MCM9: variants seen among roughly 807,000 people sequenced by gnomAD.
MCM9 encodes the protein DNA helicase MCM9.
In MCM9, 55 loss-of-function variants were observed where a neutral mutation model predicts 72.8. The ratio of observed to expected loss-of-function variants is 0.76; its 90% CI spans 0.61 to 0.95. The LOEUF is 0.95. MCM9 is among the 40% of genes least tolerant of loss of function. The pLI, the probability that MCM9 is intolerant of heterozygous loss-of-function variation, is 0.00. For synonymous variants in MCM9, 480 were observed against 503.4 expected (o/e 0.95, Z 0.62); for missense variants, 1,279 against 1,377.0 (o/e 0.93, Z 1.13).
chr6:118,873,603 TA>T (rs1777752888), intron 8 of MCM9, among the ~76,000 whole-genome samples: 1 of 152,212 alleles, frequency 6.6e-6, no homozygotes, highest in African/African-American at 2.4e-5. Context: ...TGAATAGGCT[TA>T]TATCTACTAA....
chr6:118,855,506 T>C (rs1776497516), intron 9 of MCM9, among the ~76,000 whole-genome samples: 1 of 152,156 alleles, frequency 6.6e-6, no homozygotes, highest in Admixed American at 6.6e-5. Context: ...GTGGGCTATA[T>C]CCTACTCTCC....
At chr6:118,922,301 T>C (rs1781494167) in intron 4 of MCM9, among the ~76,000 whole-genome samples, 1 of 152,222 alleles carries the variant, frequency 6.6e-6, no homozygotes, top group Non-Finnish European at 1.5e-5. Context: ...TCTCCAAATA[T>C]GATCTATATA....
chr6:118,888,653 A>G (rs2114436730), intron 8 of MCM9, among the ~76,000 whole-genome samples: 1 of 152,364 alleles, frequency 6.6e-6, no homozygotes, highest in East Asian at 1.9e-4. Flanking sequence ...CATTTTGTGT[A>G]ATAGCCAAAA....
chr6:118,849,706 A>G (rs931268462), intron 9 of MCM9, among the ~76,000 whole-genome samples: 1 of 151,820 alleles, frequency 6.6e-6, no homozygotes. Flanking sequence ...ATACAAAACA[A>G]AACTGCAGAA....
chr6:118,894,009 A>T, intron 8 of MCM9: 1 of 985,736 alleles, frequency 1.0e-6, no homozygotes, highest in South Asian at 4.6e-5. Flanking sequence ...CGGGCCTCCC[A>T]GCCCTTATTC....
intron 8 of MCM9, among the ~76,000 whole-genome samples, chr6:118,894,900 T>C (rs1779255987): frequency 2.0e-5 from 3 of 151,972 alleles, no homozygotes. Flanking sequence ...GCACGGAGGC[T>C]GGGAAGGGAG....
Position 118,824,599 on chromosome 6 carries a change from G to A in MCM9, c.1961+1548C>T, listed in dbSNP as rs1040962345. Among the ~76,000 whole-genome samples, 13 of 152,112 alleles carry A rather than the reference G, an allele frequency of 8.5e-5. No individual in the cohort carries two copies. In the East Asian group the frequency reaches 1.7e-3, roughly 20 times the overall value. On this transcript the variant is annotated intron_variant, in intron 13 of 13. Transcript: ENST00000619706. ...GCTGGGATTACAGGTGTGAGCCACC[G>A]TGCCCCGCCTGCACTCTGTTTTGAG...
chr6:118,895,297 G>A (rs1328635341), intron 8 of MCM9, among the ~76,000 whole-genome samples: 1 of 152,098 alleles, frequency 6.6e-6, no homozygotes, highest in Non-Finnish European at 1.5e-5. Flanking sequence ...TGGCGCGCAG[G>A]CTCCCCAACC....
At chr6:118,842,554 CTG>C (rs1321490763) in intron 9 of MCM9, among the ~76,000 whole-genome samples, 1 of 152,216 alleles carries the variant, frequency 6.6e-6, no homozygotes, top group Admixed American at 6.5e-5. Flanking sequence ...GAGTTTCACT[CTG>C]TCGCCCAGGC....
At chr6:118,929,775 C>T (rs948159873) in intron 3 of MCM9, among the ~76,000 whole-genome samples, 1 of 152,076 alleles carries the variant, frequency 6.6e-6, no homozygotes, top group Non-Finnish European at 1.5e-5. Flanking sequence ...GAGTTTAATA[C>T]CAGCCCGGGT....
chr6:118,921,992 C>A lies in MCM9; in HGVS notation c.703+13G>T. ...TACCTACACAAGCTAAAAAAAAATT[C>A]CCCTCTTCTTACCAGATTTGCAACT... On this transcript the variant is annotated intron_variant, in intron 5 of 13. Transcript: ENST00000619706. 6.2e-7 allele frequency: 1 copy of A among 1,602,396 alleles called. No individual in the cohort carries two copies. The highest frequency in any genetic ancestry group is 1.1e-5 in the South Asian group (1 of 88,858).
chr6:118,855,499 G>A (rs917892047), intron 9 of MCM9, among the ~76,000 whole-genome samples: 2 of 151,884 alleles, frequency 1.3e-5, no homozygotes, highest in African/African-American at 4.8e-5. Context: ...TTTTCTGGTG[G>A]GCTATATCCT....
intron 8 of MCM9, among the ~76,000 whole-genome samples, chr6:118,870,473 T>C (rs868060471): frequency 8.6e-5 from 13 of 151,958 alleles, no homozygotes; most frequent in Middle Eastern, 3.2e-3. Flanking sequence ...ACAAAACTTA[T>C]GGAATGCAGC....
Position 118,863,743 on chromosome 6 carries a change from A to G in MCM9, c.1151-7198T>C, listed in dbSNP as rs147971575. The stretch of plus-strand genomic sequence containing the variant: ...ACACACTCAGGCCCCTTGCCATGTA[A>G]TGTCTTCTACCACCTCAGAACTCTG... On this transcript the variant is annotated intron_variant, in intron 8 of 13. Coordinates refer to ENST00000619706, the MANE Select transcript of MCM9 (RefSeq NM_017696.3). 3.9e-5 allele frequency among the ~76,000 whole-genome samples: 6 copies of G among 152,284 alleles called. No individual in the cohort carries two copies. In the East Asian group the frequency reaches 1.2e-3, roughly 29 times the overall value.
intron 4 of MCM9, 38 bp downstream of exon 4, chr6:118,923,773 T>C (rs1234092298): frequency 6.3e-7 from 1 of 1,578,794 alleles, no homozygotes; most frequent in South Asian, 1.1e-5. Context: ...GAAAAACACT[T>C]CTTCAAATTT....
intron 8 of MCM9, among the ~76,000 whole-genome samples, chr6:118,867,931 C>T (rs1777329494): frequency 1.5e-5 from 2 of 136,268 alleles, no homozygotes; most frequent in Non-Finnish European, 1.5e-5. Flanking sequence ...GGCTGGAATG[C>T]AATGGTGTGA....
chr6:118,868,068 G>C (rs997934910), intron 8 of MCM9, among the ~76,000 whole-genome samples: 1 of 151,586 alleles, frequency 6.6e-6, no homozygotes, highest in African/African-American at 2.4e-5. Context: ...GTAGAGACGG[G>C]GTTTCACCAT....
In MCM9 at chr6:118,872,005, T is replaced by C. The variant is rs936289011; in HGVS notation, c.1151-15460A>G. 4.7e-5 allele frequency among the ~76,000 whole-genome samples: 7 copies of C among 150,508 alleles called. No individual in the cohort carries two copies. In the East Asian group the frequency reaches 1.4e-3, roughly 30 times the overall value. On this transcript the variant is annotated intron_variant, in intron 8 of 13. Coordinates refer to ENST00000619706, the MANE Select transcript of MCM9 (RefSeq NM_017696.3). ...AAATCATACAATGTCTGTGTTTGCA[T>C]CACAAGGAAATTAAACTAGAAAATA...
At chr6:118,862,724 T>C (rs36140799) in intron 8 of MCM9, among the ~76,000 whole-genome samples, 110,977 of 152,148 alleles carry the variant, frequency 0.73, 41,520 homozygotes, top group South Asian at 0.83. Flanking sequence ...TACCTCCTAC[T>C]GTGCAGCCCG....
Sources: gnomAD v4.1 joint callset for allele counts (sites outside exome capture counted in the v4.1 genomes callset) on GRCh38, gnomAD v4.1.1 for gene constraint, MANE v1.5 for transcripts, NCBI Gene and HGNC (gene_info 2026-07-23, HGNC 2026-07-21) for gene names.